Variants in CTBP1 observed in about 807,000 individuals in gnomAD.
CTBP1 encodes the protein C-terminal-binding protein 1.
CTBP1 carries 11 observed loss-of-function variants against 42.1 expected under a neutral mutation model. The ratio of observed to expected loss-of-function variants is 0.26; its 90% CI spans 0.16 to 0.43. The LOEUF (loss-of-function observed/expected upper bound fraction) is 0.43, where lower values mean the gene tolerates loss of function less well. Ranked by LOEUF, CTBP1 falls within the 20% of genes least tolerant of loss-of-function variation. The probability of loss-of-function intolerance (pLI) is 1.00; values close to 1 mark genes in which losing one functional copy is unlikely to be tolerated. For missense variants in CTBP1, 399 were observed against 624.3 expected (o/e 0.64, Z 3.85); for synonymous variants, 324 against 277.1 (o/e 1.17, Z -1.68).
In CTBP1 at chr4:1,230,694, G is replaced by A. The variant is rs111621598; in HGVS notation, c.163-2351C>T. ...CACTGGCCACGGGCCTCGAAAAGTC[G>A]ATTCTGAACCGCGGCACGTCACCTC... On this transcript the variant is annotated intron_variant, in intron 3 of 9. Transcript: ENST00000382952. 2.5e-3 allele frequency among the ~76,000 whole-genome samples: 376 copies of A among 152,352 alleles called. 1 individual carries two copies. The highest frequency in any genetic ancestry group is 8.4e-3 in the African/African-American group (350 of 41,580).
At chr4:1,246,826 T>C (rs1036211274) in intron 1 of CTBP1, among the ~76,000 whole-genome samples, 6 of 151,058 alleles carry the variant, frequency 4.0e-5, no homozygotes, top group African/African-American at 1.5e-4. Context: ...ACTACTTCTG[T>C]CCAGGGTTCC....
At chr4:1,247,951 C>G (rs919052374) in intron 1 of CTBP1, among the ~76,000 whole-genome samples, 5 of 152,352 alleles carry the variant, frequency 3.3e-5, no homozygotes, top group Middle Eastern at 3.4e-3. Flanking sequence ...GAGACGACAG[C>G]AAAAGGGATC....
At chr4:1,244,431 C>T in intron 1 of CTBP1, 1 of 985,132 alleles carries the variant, frequency 1.0e-6, no homozygotes, top group Non-Finnish European at 1.2e-6. Flanking sequence ...GTTCCTTCCC[C>T]AGCCTCAGCA....
chr4:1,219,896 A>G (rs1029185122), intron 5 of CTBP1, among the ~76,000 whole-genome samples: 7 of 152,236 alleles, frequency 4.6e-5, no homozygotes, highest in Non-Finnish European at 1.0e-4. Flanking sequence ...ATTTCTACCT[A>G]CTAATAACCA....
At chr4:1,239,760 C>T (rs776590670) in intron 2 of CTBP1, among the ~76,000 whole-genome samples, 31 of 152,212 alleles carry the variant, frequency 2.0e-4, no homozygotes, top group Non-Finnish European at 2.9e-4. Context: ...CTGGCGTCCT[C>T]GGAGGAGCCA....
chr4:1,222,399 C>G (rs917279115), intron 5 of CTBP1, among the ~76,000 whole-genome samples: 1 of 152,156 alleles, frequency 6.6e-6, no homozygotes, highest in Non-Finnish European at 1.5e-5. Context: ...ACAAGATCAC[C>G]ACAGACAGAG....
At chr4:1,231,353 C>T (rs1730952473) in intron 3 of CTBP1, among the ~76,000 whole-genome samples, 1 of 152,248 alleles carries the variant, frequency 6.6e-6, no homozygotes, top group Admixed American at 6.5e-5. Flanking sequence ...CGGGGCCCAG[C>T]AGCCTCCCAG....
intron 1 of CTBP1, chr4:1,241,949 G>A (rs1245931784): frequency 9.8e-7 from 1 of 1,025,636 alleles, no homozygotes; most frequent in Non-Finnish European, 1.2e-6. Context: ...CTGATTCCCG[G>A]GCCTCTGTGA....
At position 1,249,095 on chromosome 4, in the gene CTBP1, C is replaced by G. The variant is rs1417094575; in HGVS notation, c.-368G>C. On this transcript the variant is annotated 5_prime_UTR_variant, in exon 1 of 10. Coordinates refer to ENST00000382952, the MANE Select transcript of CTBP1 (RefSeq NM_001012614.2). ...GGCCGCCGCCGTGCCGAGTCTCCGC[C>G]GCGCCGCTGAGCCGCGCTCCGACGA... 6 of 240,856 alleles carry G rather than the reference C, an allele frequency of 2.5e-5. No homozygotes were observed. Among genetic ancestry groups the G allele is most frequent in the South Asian group, 1.5e-4 (1 of 6,744 alleles). 14.9% of individuals were successfully genotyped at this position (240,856 alleles called of 1,614,324 possible). A position where few individuals can be genotyped will look rare whatever the true frequency, so the allele number is the denominator to read the frequency against.
chr4:1,221,106 T>C (rs894309296), intron 5 of CTBP1, among the ~76,000 whole-genome samples: 113 of 152,294 alleles, frequency 7.4e-4, no homozygotes, highest in African/African-American at 2.7e-3. Flanking sequence ...TGCATGTCGA[T>C]CTGACAAGAA....
At chr4:1,236,988 A>G (rs1731582744) in intron 3 of CTBP1, 7 of 622,476 alleles carry the variant, frequency 1.1e-5, no homozygotes, top group South Asian at 1.7e-5. Flanking sequence ...GGAGAAACCG[A>G]GCGTCCATCT....
chr4:1,242,362 G>C (rs1440340208), intron 1 of CTBP1: 2 of 985,296 alleles, frequency 2.0e-6, no homozygotes, highest in Middle Eastern at 5.2e-4. Context: ...AGGCTGACCA[G>C]GACAGGAGCC....
Position 1,233,658 on chromosome 4 carries a change from C to T in CTBP1, c.162+4525G>A, listed in dbSNP as rs1731190010. Among the ~76,000 whole-genome samples, 1 of 152,162 alleles carries T rather than the reference C, an allele frequency of 6.6e-6. No homozygotes were observed. Among genetic ancestry groups the T allele is most frequent in the African/African-American group, 2.4e-5 (1 of 41,444 alleles). The stretch of plus-strand genomic sequence containing the variant: ...TTGTGTCCCGGTGGGTGACATCCCC[C>T]ACCCGTGGTATCAGTAAAATCCCAG... On this transcript the variant is annotated intron_variant, in intron 3 of 9. Coordinates refer to ENST00000382952, the MANE Select transcript of CTBP1 (RefSeq NM_001012614.2). This position sits in a 1 kb window ranked among gnomAD's most constrained non-coding sequence, Gnocchi z 4.6.
chr4:1,212,179 T>G lies in CTBP1; in HGVS notation c.*61A>C, dbSNP rs1047212435. 2.2e-6 allele frequency: 3 copies of G among 1,343,694 alleles called. No homozygotes were observed. Among genetic ancestry groups the G allele is most frequent in the Middle Eastern group, 2.6e-4 (1 of 3,898 alleles). The allele number at this position is 1,343,694 out of a possible 1,614,324, so 83.2% of individuals were successfully genotyped here. ...CCACACAGATGCCTCCTCCACACAC[T>G]CTGGTCCGAGGGTTTCCGGGCCCTC... On this transcript the variant is annotated 3_prime_UTR_variant, in exon 10 of 10. Transcript: ENST00000382952.
Position 1,215,994 on chromosome 4 carries a change from C to A in CTBP1, c.726G>T (p.Lys242Asn). The A allele has an allele frequency of 6.2e-7, 1 of 1,609,282 alleles. No individual in the cohort carries two copies. The highest frequency in any genetic ancestry group is 8.5e-7 in the Non-Finnish European group (1 of 1,178,956). ...CTGTGTCCCCGGCTCCACGCACCTG[C>A]TTGACGGTGAAGTCGTTGATGAGGT... Reference protein sequence around the residue: ...NHHLINDFTVKQMRQGAFLVN... With the variant: ...NHHLINDFTVNQMRQGAFLVN... Residue 242 changes from lysine to asparagine, a missense_variant, in exon 6 of 10, where the codon AAG (lysine) becomes AAT (asparagine). Physicochemically the swap from Lys to Asn is moderately conservative, Grantham distance 94 (BLOSUM62 0). Coordinates refer to ENST00000382952, the MANE Select transcript of CTBP1 (RefSeq NM_001012614.2).
intron 2 of CTBP1, among the ~76,000 whole-genome samples, chr4:1,239,556 G>GTA (rs1731940626): frequency 6.6e-6 from 1 of 152,240 alleles, no homozygotes; most frequent in Non-Finnish European, 1.5e-5. Flanking sequence ...CGAGCTGCCA[G>GTA]TATCCAGGAA....
chr4:1,216,498 G>A lies in CTBP1; in HGVS notation c.515-293C>T, dbSNP rs1354841083. 2.7e-5 allele frequency: 15 copies of A among 559,998 alleles called. 1 individual carries two copies. The highest frequency in any genetic ancestry group is 2.1e-4 in the South Asian group (10 of 48,194). 34.7% of individuals were successfully genotyped at this position (559,998 alleles called of 1,614,324 possible). On this transcript the variant is annotated intron_variant, in intron 5 of 9. Coordinates refer to ENST00000382952, the MANE Select transcript of CTBP1 (RefSeq NM_001012614.2). Reference sequence around the variant, plus strand: ...CTCCCCTGCAGCCTGTCCACAGGACGTGACATGAACCACTCAGTGTCAAAC... The same window carrying A: ...CTCCCCTGCAGCCTGTCCACAGGACATGACATGAACCACTCAGTGTCAAAC...
chr4:1,231,871 T>C (rs1011528597), intron 3 of CTBP1, among the ~76,000 whole-genome samples: 77 of 152,124 alleles, frequency 5.1e-4, no homozygotes, highest in Non-Finnish European at 1.0e-3. Flanking sequence ...GCACGGCTGG[T>C]GCAGGGCTCA....
intron 4 of CTBP1, among the ~76,000 whole-genome samples, chr4:1,227,019 C>A (rs941881028): frequency 1.3e-5 from 2 of 152,032 alleles, no homozygotes; most frequent in Non-Finnish European, 2.9e-5. Context: ...TCGCCTGTTA[C>A]CAGCATCGAG....
Sources: allele counts gnomAD v4.1 joint callset (sites outside exome capture counted in the v4.1 genomes callset), GRCh38; gene constraint gnomAD v4.1.1; non-coding constraint Gnocchi (gnomAD v3.1); transcripts MANE v1.5; gene names NCBI Gene and HGNC (gene_info 2026-07-23, HGNC 2026-07-21).